RABGAP1L: variants seen among roughly 807,000 people sequenced by gnomAD.
RABGAP1L encodes the protein rab GTPase-activating protein 1-like.
RABGAP1L carries 63 observed loss-of-function variants against 137.7 expected under a neutral mutation model. The observed-to-expected ratio is 0.46, with a 90% CI of 0.37 to 0.56. The LOEUF is 0.56. Ranked by LOEUF, RABGAP1L falls within the 20% of genes least tolerant of loss-of-function variation. RABGAP1L has a pLI of 0.00. For missense variants in RABGAP1L, 1,095 were observed against 1,244.0 expected (o/e 0.88, Z 1.80); for synonymous variants, 431 against 433.7 (o/e 0.99, Z 0.08).
chr1:174,289,376 C>A (rs1197558154), intron 10 of RABGAP1L, among the ~76,000 whole-genome samples: 2 of 152,104 alleles, frequency 1.3e-5, no homozygotes, highest in Admixed American at 1.3e-4. Flanking sequence ...CTTTGTTGAA[C>A]TTATTTTGTT....
intron 1 of RABGAP1L, among the ~76,000 whole-genome samples, chr1:174,206,518 A>G (rs143251146): frequency 2.1e-3 from 326 of 152,254 alleles, no homozygotes; most frequent in Non-Finnish European, 3.2e-3. Flanking sequence ...TACTTTTGTT[A>G]TGGATCTCCT....
intron 11 of RABGAP1L, among the ~76,000 whole-genome samples, chr1:174,338,727 C>A (rs1318501651): frequency 2.0e-5 from 3 of 151,474 alleles, no homozygotes; most frequent in Non-Finnish European, 4.4e-5. Flanking sequence ...GAAATTGTTC[C>A]TTTGGAAAAG....
At chr1:174,955,988 T>G (rs1482853746) in intron 19 of RABGAP1L, among the ~76,000 whole-genome samples, 3 of 152,190 alleles carry the variant, frequency 2.0e-5, no homozygotes, top group Admixed American at 2.0e-4. Context: ...AGGCTAAAAG[T>G]AGATTTAATA....
At chr1:174,191,258 A>T (rs991959912) in intron 1 of RABGAP1L, among the ~76,000 whole-genome samples, 3 of 152,218 alleles carry the variant, frequency 2.0e-5, no homozygotes, top group Admixed American at 6.5e-5. Context: ...AAAAATATAG[A>T]AATATTTGAA....
At chr1:174,555,610 A>G (rs1557844928) in intron 13 of RABGAP1L, among the ~76,000 whole-genome samples, 1 of 152,166 alleles carries the variant, frequency 6.6e-6, no homozygotes, top group Non-Finnish European at 1.5e-5. Context: ...ACATAGAAAG[A>G]CTAATAATTC....
At chr1:174,735,479 G>A (rs1682853812) in intron 17 of RABGAP1L, among the ~76,000 whole-genome samples, 1 of 150,330 alleles carries the variant, frequency 6.7e-6, no homozygotes, top group East Asian at 2.0e-4. Context: ...GGGCGTGGTG[G>A]CTCACACCTG....
Position 174,165,322 on chromosome 1 carries a change from G to T in RABGAP1L, c.-34+5665G>T, listed in dbSNP as rs550830359. Among the ~76,000 whole-genome samples, 33 of 152,122 alleles carry T rather than the reference G, an allele frequency of 2.2e-4. No individual in the cohort carries two copies. In the South Asian group the frequency reaches 3.7e-3, roughly 17 times the overall value. On this transcript the variant is annotated intron_variant, in intron 1 of 25. Transcript: ENST00000681986. The stretch of plus-strand genomic sequence containing the variant: ...CAACTGCCACACCAGGCTAATTTTT[G>T]TATTTTTAGTACAGACGGGGTTTCG...
intron 17 of RABGAP1L, among the ~76,000 whole-genome samples, chr1:174,703,968 T>TTC: frequency 6.6e-6 from 1 of 152,230 alleles, no homozygotes; most frequent in East Asian, 1.9e-4. Context: ...GTTTAAAGAT[T>TTC]TCTCTTTCTT....
intron 19 of RABGAP1L, among the ~76,000 whole-genome samples, chr1:174,848,791 G>T (rs1647573362): frequency 6.6e-6 from 1 of 150,788 alleles, no homozygotes; most frequent in Non-Finnish European, 1.5e-5. Flanking sequence ...GTTTACCTAA[G>T]CAAGCCTGGG....
Position 174,281,731 on chromosome 1 carries a change from T to C in RABGAP1L, c.1323+2952T>C, listed in dbSNP as rs545275205. Among the ~76,000 whole-genome samples the C allele has an allele frequency of 2.0e-5, 3 of 152,344 alleles. No individual in the cohort carries two copies. In the South Asian group the frequency reaches 6.2e-4, roughly 32 times the overall value. On this transcript the variant is annotated intron_variant, in intron 10 of 25. Coordinates refer to ENST00000681986, the MANE Select transcript of RABGAP1L (RefSeq NM_001366446.1). The stretch of plus-strand genomic sequence containing the variant: ...AGAGTTCTTTTCTAAATCAACTTTA[T>C]TGAGGTAGTTAGCATACAGTAATAT...
At chr1:174,939,292 A>AT (rs1300547283) in intron 19 of RABGAP1L, among the ~76,000 whole-genome samples, 4 of 152,284 alleles carry the variant, frequency 2.6e-5, no homozygotes, top group African/African-American at 7.2e-5. Context: ...GTAGTGGCTC[A>AT]TGCCTGTAAT....
chr1:174,192,439 C>A (rs1667280008), intron 1 of RABGAP1L, among the ~76,000 whole-genome samples: 1 of 151,382 alleles, frequency 6.6e-6, no homozygotes, highest in Admixed American at 6.6e-5. Context: ...TCTTGTGCCT[C>A]AGCCTCCCAA....
chr1:174,534,775 C>CAAAAAAAAAAAAAAAAAAAA (rs71117567), intron 13 of RABGAP1L, among the ~76,000 whole-genome samples: 38 of 71,622 alleles, frequency 5.3e-4, no homozygotes, highest in Non-Finnish European at 8.7e-4. Context: ...ACTCTGTCTC[C>CAAAAAAAAAAAAAAAAAAAA]AAAAAAAAAA....
At chr1:174,683,495 ATTTC>A (rs1402975458) in intron 14 of RABGAP1L, 23 bp from the exon 15 acceptor site, 1 of 1,500,136 alleles carries the variant, frequency 6.7e-7, no homozygotes, top group Admixed American at 1.7e-5. Context: ...TATTTACGAT[ATTTC>A]TTTCTTTTCA....
intron 19 of RABGAP1L, among the ~76,000 whole-genome samples, chr1:174,924,358 A>C (rs556213945): frequency 8.0e-6 from 1 of 125,008 alleles, no homozygotes; most frequent in East Asian, 2.4e-4. Context: ...CTGCACTCCA[A>C]TGTGGTGACA....
At chr1:174,647,285 C>T (rs766335369) in intron 14 of RABGAP1L, among the ~76,000 whole-genome samples, 35 of 151,958 alleles carry the variant, frequency 2.3e-4, no homozygotes, top group Non-Finnish European at 2.1e-4. Context: ...TGTCTTGTGC[C>T]GGTTTTCAAA....
intron 11 of RABGAP1L, among the ~76,000 whole-genome samples, chr1:174,308,765 G>T (rs1678542016): frequency 6.6e-6 from 1 of 151,882 alleles, no homozygotes; most frequent in Non-Finnish European, 1.5e-5. Flanking sequence ...ATGTTGTTTT[G>T]GTTACTTTAG....
intron 13 of RABGAP1L, among the ~76,000 whole-genome samples, chr1:174,502,647 T>C (rs1661417595): frequency 6.7e-6 from 1 of 148,898 alleles, no homozygotes; most frequent in Non-Finnish European, 1.5e-5. Flanking sequence ...TGTATATATA[T>C]GTACATATAT....
chr1:174,377,260 A>G (rs1209955544), intron 12 of RABGAP1L, among the ~76,000 whole-genome samples: 1 of 152,178 alleles, frequency 6.6e-6, no homozygotes, highest in Non-Finnish European at 1.5e-5. Flanking sequence ...TCTCAATATT[A>G]TTAAGATTTC....
Sources: gnomAD v4.1 joint callset for allele counts (sites outside exome capture counted in the v4.1 genomes callset) on GRCh38, gnomAD v4.1.1 for gene constraint, MANE v1.5 for transcripts, NCBI Gene and HGNC (gene_info 2026-07-23, HGNC 2026-07-21) for gene names.